Variants in GNG2 observed in about 807,000 individuals in gnomAD.
GNG2 encodes the protein guanine nucleotide-binding protein G(I)/G(S)/G(O) subunit gamma-2.
In GNG2, 5 loss-of-function variants were observed where a neutral mutation model predicts 5.5. The observed-to-expected ratio is 0.91, with a 90% CI of 0.48 to 1.92. The LOEUF is 1.92. Among genes scored for constraint, GNG2 ranks in the 30% most tolerant of loss-of-function variants. The pLI, the probability that GNG2 is intolerant of heterozygous loss-of-function variation, is 0.01. For missense variants in GNG2, 55 were observed against 88.4 expected, an observed-to-expected ratio of 0.62 and a Z score of 1.52; for synonymous variants, 28 against 32.0, an observed-to-expected ratio of 0.88 and a Z score of 0.42.
intron 2 of GNG2, among the ~76,000 whole-genome samples, chr14:51,853,097 C>A (rs576612583): frequency 6.6e-6 from 1 of 152,260 alleles, no homozygotes; most frequent in Non-Finnish European, 1.5e-5. Context: ...TTCACTCATT[C>A]TCTTAAATTT....
chr14:51,859,272 C>T (rs1394179046), upstream of GNG2, among the ~76,000 whole-genome samples: 4 of 152,084 alleles, frequency 2.6e-5, no homozygotes, highest in African/African-American at 9.7e-5. Context: ...AACAGGATTC[C>T]CCTTCCCCCA....
Position 51,951,805 on chromosome 14 carries a change from T to C in GNG2, c.87+1040T>C, listed in dbSNP as rs1888991490. Reference sequence around the variant, plus strand: ...ACATATTGTCTATGGCTGCTTTCACTCTAAAACAGCAGAGTAGGGTGGTTG... The same window carrying C: ...ACATATTGTCTATGGCTGCTTTCACCCTAAAACAGCAGAGTAGGGTGGTTG... On this transcript the variant is annotated intron_variant, in intron 3 of 3. Coordinates refer to ENST00000556766, the MANE Select transcript of GNG2 (RefSeq NM_053064.5). 5.8e-6 allele frequency: 4 copies of C among 686,160 alleles called. No homozygotes were observed. The South Asian group carries it at 6.2e-5, about 11-fold the overall frequency. The allele number at this position is 686,160 out of a possible 1,614,324, so 42.5% of individuals were successfully genotyped here. A position where few individuals can be genotyped will look rare whatever the true frequency, so the allele number is the denominator to read the frequency against.
At chr14:51,827,728 C>T (rs767315463) in exon 2 of GNG2, 3 of 702,082 alleles carry the variant, frequency 4.3e-6, no homozygotes, top group East Asian at 5.4e-5. Flanking sequence ...CCAACCTGTG[C>T]CTCTGGTCTA....
chr14:51,858,803 A>C (rs10133431), upstream of GNG2, among the ~76,000 whole-genome samples: 1 of 152,164 alleles, frequency 6.6e-6, no homozygotes, highest in African/African-American at 2.4e-5. Flanking sequence ...CTGCATTTCT[A>C]TCTGCTGGTG....
intron 2 of GNG2, among the ~76,000 whole-genome samples, chr14:51,933,345 A>G (rs1354281968): frequency 6.6e-6 from 1 of 152,154 alleles, no homozygotes; most frequent in Non-Finnish European, 1.5e-5. Flanking sequence ...GCGCTGGGGG[A>G]AACTATTTAT....
At chr14:51,858,039 TTAGAG>T (rs1566647416), upstream of GNG2, among the ~76,000 whole-genome samples, 1 of 152,210 alleles carries the variant, frequency 6.6e-6, no homozygotes, top group Non-Finnish European at 1.5e-5. Flanking sequence ...TGCATGAATG[TTAGAG>T]TATTTTACAG....
At chr14:51,955,139 A>G (rs1889206596) in intron 3 of GNG2, among the ~76,000 whole-genome samples, 1 of 152,136 alleles carries the variant, frequency 6.6e-6, no homozygotes, top group South Asian at 2.1e-4. Context: ...TTCTTAACTA[A>G]TTGGCTGCTC....
At chr14:51,869,558 G>A (rs1274908996) in intron 1 of GNG2, among the ~76,000 whole-genome samples, 1 of 152,194 alleles carries the variant, frequency 6.6e-6, no homozygotes, top group East Asian at 1.9e-4. Flanking sequence ...TGTCACCCAG[G>A]CTGGGGTGCA....
intron 1 of GNG2, among the ~76,000 whole-genome samples, chr14:51,868,488 C>T (rs546605418): frequency 6.6e-6 from 1 of 152,180 alleles, no homozygotes; most frequent in South Asian, 2.1e-4. Context: ...TGGGACTGTG[C>T]CTATGCTGGC....
chr14:51,926,175 A>T (rs1887308549), intron 2 of GNG2, among the ~76,000 whole-genome samples: 1 of 152,024 alleles, frequency 6.6e-6, no homozygotes, highest in African/African-American at 2.4e-5. Context: ...TCTCAATCTG[A>T]TGATGTCATT....
intron 2 of GNG2, among the ~76,000 whole-genome samples, chr14:51,930,604 A>G (rs1887599874): frequency 1.3e-5 from 2 of 152,212 alleles, no homozygotes; most frequent in Non-Finnish European, 2.9e-5. Context: ...ATACAATATG[A>G]GTCCTTGAAG....
rs1486236105 is a variant in GNG2, at chr14:51,905,455, C to T, written c.-30+27798C>T. Among the ~76,000 whole-genome samples the T allele has an allele frequency of 3.3e-5, 5 of 152,174 alleles. No homozygotes were observed. In the East Asian group the frequency reaches 5.8e-4, roughly 18 times the overall value. On this transcript the variant is annotated intron_variant, in intron 2 of 3. Transcript: ENST00000556766. ...GCAATAAAATTTTCATCCTAAATAC[C>T]TCACTACATGGTTTGGCTGAGCTTT...
chr14:51,949,100 G>T (rs1198056869), intron 2 of GNG2, among the ~76,000 whole-genome samples: 1 of 146,890 alleles, frequency 6.8e-6, no homozygotes, highest in East Asian at 2.0e-4. Context: ...CAGCTTGGGC[G>T]ACAGAGGCAG....
At chr14:51,893,216 T>C (rs1884977038) in intron 2 of GNG2, among the ~76,000 whole-genome samples, 2 of 152,214 alleles carry the variant, frequency 1.3e-5, no homozygotes, top group Non-Finnish European at 2.9e-5. Context: ...GTTGTAGCAA[T>C]TTGGATGCCC....
At chr14:51,837,137 G>A (rs971462410) in intron 2 of GNG2, among the ~76,000 whole-genome samples, 1 of 151,772 alleles carries the variant, frequency 6.6e-6, no homozygotes, top group African/African-American at 2.4e-5. Context: ...GGGATTATAG[G>A]CATAAGCCAC....
intron 1 of GNG2, among the ~76,000 whole-genome samples, chr14:51,869,865 C>A (rs1027615794): frequency 1.3e-5 from 2 of 152,194 alleles, no homozygotes; most frequent in Non-Finnish European, 2.9e-5. Context: ...TTTCCACTCA[C>A]AACTCACATG....
intron 2 of GNG2, among the ~76,000 whole-genome samples, chr14:51,936,755 C>G (rs1018647039): frequency 6.6e-6 from 1 of 152,008 alleles, no homozygotes; most frequent in Non-Finnish European, 1.5e-5. Context: ...TTTGCCCAGG[C>G]TGGTCTTGAA....
At chr14:51,906,757 CTTT>C (rs34240079) in intron 2 of GNG2, among the ~76,000 whole-genome samples, 1 of 105,308 alleles carries the variant, frequency 9.5e-6, no homozygotes, top group Non-Finnish European at 1.8e-5. Context: ...TGGAGAATCT[CTTT>C]TTTTTTTTTT....
intron 3 of GNG2, among the ~76,000 whole-genome samples, chr14:51,955,175 T>TCTCATTTCTC (rs5808643): frequency 0.066 from 10,040 of 152,158 alleles, 874 homozygotes; most frequent in East Asian, 0.38. Context: ...CAGAAAAATG[T>TCTCATTTCTC]CTCATTTCTC....
Sources: gnomAD v4.1 joint callset for allele counts (sites outside exome capture counted in the v4.1 genomes callset) on GRCh38, gnomAD v4.1.1 for gene constraint, MANE v1.5 for transcripts, NCBI Gene and HGNC (gene_info 2026-07-23, HGNC 2026-07-21) for gene names.